ZNF816: variants seen among roughly 807,000 people sequenced by gnomAD.
The protein encoded by ZNF816 is zinc finger protein 816.
ZNF816 carries 11 observed loss-of-function variants against 8.3 expected under a neutral mutation model. The observed-to-expected ratio is 1.32, with a 90% CI of 0.83 to 2.19. The LOEUF is 2.19. Ranked by LOEUF, ZNF816 falls within the 30% of genes most tolerant of loss-of-function variation. The pLI, the probability that ZNF816 is intolerant of heterozygous loss-of-function variation, is 0.00. For missense variants in ZNF816, 710 were observed against 779.3 expected (o/e 0.91, Z 1.06); for synonymous variants, 255 against 254.5 (o/e 1.00, Z -0.02).
In ZNF816 at chr19:52,957,544, G is replaced by A. The variant is rs1342765747; in HGVS notation, c.-15-1440C>T. On this transcript the variant is annotated intron_variant, in intron 1 of 3. Coordinates refer to ENST00000444460, the MANE Select transcript of ZNF816 (RefSeq NM_001202457.3). The surrounding 1 kb of genome is among the most constrained non-coding windows in gnomAD (Gnocchi z 4.6). ...AGAGTTACTGAACTGAGGAGGACCAGGCTCAACTGCCCCCAAGGAGCCCAT... is the reference window on the plus strand; with the variant it reads ...AGAGTTACTGAACTGAGGAGGACCAAGCTCAACTGCCCCCAAGGAGCCCAT... Among the ~76,000 whole-genome samples the A allele has an allele frequency of 6.6e-6, 1 of 152,184 alleles. No homozygotes were observed. Among genetic ancestry groups the A allele is most frequent in the Admixed American group, 6.5e-5 (1 of 15,274 alleles).
chr19:52,950,077 C>T lies in ZNF816; in HGVS notation c.1698G>A (p.Lys566=), dbSNP rs773827814. Residue 566 remains lysine (K), a synonymous_variant, in exon 4 of 4, where the codon AAG becomes AAA. Transcript: ENST00000444460. ...TRVHTGEKPY[K]CNKCAKVFNQ... ...TAAAAACCTTCGCACATTTATTACACTTGTAAGGTTTCTCTCCAGTATGAA... is the reference window on the plus strand; with the variant it reads ...TAAAAACCTTCGCACATTTATTACATTTGTAAGGTTTCTCTCCAGTATGAA... The T allele has an allele frequency of 1.2e-6, 2 of 1,613,812 alleles. No homozygotes were observed. Among genetic ancestry groups the T allele is most frequent in the Non-Finnish European group, 1.7e-6 (2 of 1,179,970 alleles).
intron 1 of ZNF816, among the ~76,000 whole-genome samples, chr19:52,961,504 A>T (rs1275631590): frequency 6.6e-6 from 1 of 152,258 alleles, no homozygotes; most frequent in East Asian, 1.9e-4. Context: ...ACTTTCAAAA[A>T]AAAGAAGCCA....
At chr19:52,961,777 T>C (rs1442728568) in intron 1 of ZNF816, among the ~76,000 whole-genome samples, 1 of 152,114 alleles carries the variant, frequency 6.6e-6, no homozygotes, top group Admixed American at 6.5e-5. Flanking sequence ...TAACGGAAAA[T>C]GTAGCTCATT....
intron 2 of ZNF816, chr19:52,953,228 C>T (rs950311950): frequency 4.6e-5 from 9 of 193,686 alleles, no homozygotes; most frequent in Non-Finnish European, 8.6e-5. Flanking sequence ...CCCGTCTCTA[C>T]TAAAAATACA....
At chr19:52,960,701 T>C (rs981163583) in intron 1 of ZNF816, among the ~76,000 whole-genome samples, 2 of 152,014 alleles carry the variant, frequency 1.3e-5, no homozygotes, top group Non-Finnish European at 2.9e-5. Context: ...GTAGCCCCTG[T>C]GTGCCCCCAC....
intron 2 of ZNF816, chr19:52,953,449 A>C (rs1216743069): frequency 3.5e-5 from 4 of 115,894 alleles, no homozygotes; most frequent in Non-Finnish European, 6.5e-5. Flanking sequence ...TTTTATATAT[A>C]TAATATATAC....
rs747128636 is a variant in ZNF816, at chr19:52,951,312, G to A, written c.463C>T (p.Gln155Ter). The A allele has an allele frequency of 1.2e-6, 2 of 1,614,208 alleles. No individual in the cohort carries two copies. The highest frequency in any genetic ancestry group is 2.2e-5 in the South Asian group (2 of 91,088). The change falls in exon 4 of 4, where the codon CAG (glutamine) becomes TAG (stop). Residue 155 changes from glutamine (Q) to a stop codon, truncating the protein, a stop_gained. Coordinates refer to ENST00000444460, the MANE Select transcript of ZNF816 (RefSeq NM_001202457.3). LOFTEE classifies it low-confidence loss of function (END_TRUNC). ...TGCGAATGAAAGCTTAATCCAAGCT[G>A]ATCTTTAATAGGCTTGTTTCCAGCA... is the stretch of plus-strand genomic sequence containing the variant. ...RHAGNKPIKD[Q>*]LGLSFHSHLP...
chr19:52,958,443 G>A (rs1049797665), intron 1 of ZNF816, among the ~76,000 whole-genome samples: 4 of 152,124 alleles, frequency 2.6e-5, no homozygotes, highest in South Asian at 2.1e-4. Context: ...TCTTGGACCC[G>A]GCTTCTGCAA....
At chr19:52,962,136 TC>T (rs1042870246) in intron 1 of ZNF816, among the ~76,000 whole-genome samples, 28 of 152,052 alleles carry the variant, frequency 1.8e-4, no homozygotes, top group African/African-American at 6.3e-4. Context: ...ATCCAGAATT[TC>T]ATTGAGACTG....
intron 2 of ZNF816, chr19:52,953,538 TATAATACAATA>T: frequency 2.1e-5 from 1 of 48,168 alleles, no homozygotes; most frequent in South Asian, 5.9e-4. Flanking sequence ...ATATATAATA[TATAATACAATA>T]TTATATATAA....
chr19:52,953,507 T>G (rs1279959744), intron 2 of ZNF816: 2 of 52,346 alleles, frequency 3.8e-5, no homozygotes, highest in Admixed American at 3.3e-4. Flanking sequence ...AATATTTAAT[T>G]ATATATAATA....
At chr19:52,952,136 A>G (rs1389821321) in intron 3 of ZNF816, among the ~76,000 whole-genome samples, 1 of 152,146 alleles carries the variant, frequency 6.6e-6, no homozygotes, top group Non-Finnish European at 1.5e-5. Flanking sequence ...TTCGAGGCTG[A>G]GGTGGGCAAA....
chr19:52,961,364 T>G (rs2060558831), intron 1 of ZNF816, among the ~76,000 whole-genome samples: 2 of 152,340 alleles, frequency 1.3e-5, no homozygotes, highest in South Asian at 4.1e-4. Flanking sequence ...AAGATGTGGC[T>G]CTCTTAACTA....
chr19:52,954,040 CAA>C (rs754620563), intron 2 of ZNF816, among the ~76,000 whole-genome samples: 13 of 94,682 alleles, frequency 1.4e-4, no homozygotes, highest in Admixed American at 1.3e-4. Context: ...GACTCTTTCT[CAA>C]AAAAAAAAAA....
At position 52,951,367 on chromosome 19, in the gene ZNF816, A is replaced by T; in HGVS notation, c.408T>A (p.Thr136=). ...EAPMTKIKKL[T]GSTDRSDHRH... ...TGTGATCACTTCGGTCTGTACTACC[A>T]GTCAACTTTTTGATTTTTGTCATGG... The change falls in exon 4 of 4, where the codon ACT becomes ACA. Residue 136 remains threonine (T), a synonymous_variant. Coordinates refer to ENST00000444460, the MANE Select transcript of ZNF816 (RefSeq NM_001202457.3). The T allele has an allele frequency of 1.2e-6, 2 of 1,614,162 alleles. No individual in the cohort carries two copies. Among genetic ancestry groups the T allele is most frequent in the Non-Finnish European group, 1.7e-6 (2 of 1,179,994 alleles).
chr19:52,950,093 C>T lies in ZNF816; in HGVS notation c.1682G>A (p.Gly561Glu). Residue 561 changes from glycine (G) to glutamate (E), a missense_variant, in exon 4 of 4, where the codon GGA (glycine) becomes GAA (glutamate). Gly to Glu is a moderately conservative substitution (Grantham distance 98). Coordinates refer to ENST00000444460, the MANE Select transcript of ZNF816 (RefSeq NM_001202457.3). ...CLANHTRVHT[G>E]EKPYKCNKCA... is the part of the protein sequence containing the mutation. ...TTTATTACACTTGTAAGGTTTCTCT[C>T]CAGTATGAACTCTCGTATGGTTTGC... 3.1e-6 allele frequency: 5 copies of T among 1,614,094 alleles called. No individual in the cohort carries two copies. Among genetic ancestry groups the T allele is most frequent in the Non-Finnish European group, 4.2e-6 (5 of 1,179,988 alleles).
At chr19:52,960,217 G>T in intron 1 of ZNF816, 1 of 266,866 alleles carries the variant, frequency 3.7e-6, no homozygotes. Context: ...CAGCCATTCT[G>T]CCCGGCATAC....
chr19:52,949,978 G>A lies in ZNF816; in HGVS notation c.1797C>T (p.Gly599=). Reference sequence around the variant, plus strand: ...GGCTTGCTTTTTGATTAAAAACCTTGCCACATTCATTACACTTGTAAGGTT... The same window carrying A: ...GGCTTGCTTTTTGATTAAAAACCTTACCACATTCATTACACTTGTAAGGTT... The part of the protein sequence containing the change: ...GEKPYKCNEC[G]KVFNQKASLA... Residue 599 remains glycine, a synonymous_variant, in exon 4 of 4, where the codon GGC becomes GGT. Transcript: ENST00000444460. 6.2e-7 allele frequency: 1 copy of A among 1,613,910 alleles called. No homozygotes were observed. Among genetic ancestry groups the A allele is most frequent in the Non-Finnish European group, 8.5e-7 (1 of 1,179,914 alleles).
At chr19:52,958,571 C>T (rs542902831) in intron 1 of ZNF816, among the ~76,000 whole-genome samples, 90 of 152,288 alleles carry the variant, frequency 5.9e-4, no homozygotes, top group African/African-American at 2.1e-3. Flanking sequence ...TCTGTTAGGA[C>T]ACCCCATGGC....
Sources: allele counts gnomAD v4.1 joint callset (sites outside exome capture counted in the v4.1 genomes callset), GRCh38; gene constraint gnomAD v4.1.1; non-coding constraint Gnocchi (gnomAD v3.1); transcripts MANE v1.5; gene names NCBI Gene and HGNC (gene_info 2026-07-23, HGNC 2026-07-21).